Variants in ECPAS observed in about 807,000 individuals in gnomAD.
ECPAS encodes proteasome adapter and scaffold protein ECM29.
Under a neutral mutation model 255.1 loss-of-function variants are expected in ECPAS, and 70 were observed. That is an observed-to-expected ratio of 0.27 (90% CI 0.23 to 0.33). The LOEUF (loss-of-function observed/expected upper bound fraction) is 0.33. Ranked by LOEUF, ECPAS falls within the 10% of genes least tolerant of loss-of-function variation. ECPAS has a pLI of 1.00. For synonymous variants in ECPAS, 784 were observed against 775.0 expected, an observed-to-expected ratio of 1.01 and a Z score of -0.19; for missense variants, 1,817 against 2,206.4, an observed-to-expected ratio of 0.82 and a Z score of 3.54.
rs561535699 is a variant in ECPAS, at chr9:111,435,557, G to T, written c.708+1383C>A. 3.9e-5 allele frequency among the ~76,000 whole-genome samples: 6 copies of T among 152,210 alleles called. No individual in the cohort carries two copies. In the South Asian group the frequency reaches 1.0e-3, roughly 26 times the overall value. On this transcript the variant is annotated intron_variant, in intron 7 of 49. Transcript: ENST00000684092. ...AAACCTCCATGCCTTTCAGAAAATG[G>T]AACTAACAATTTCTATACCTTACTG...
chr9:111,468,099 G>A (rs1589234192), intron 2 of ECPAS, among the ~76,000 whole-genome samples: 2 of 152,174 alleles, frequency 1.3e-5, no homozygotes, highest in East Asian at 1.9e-4. Flanking sequence ...GCAGTGAGCC[G>A]AGATCACGCC....
intron 1 of ECPAS, among the ~76,000 whole-genome samples, chr9:111,476,054 A>T (rs2098295883): frequency 6.6e-6 from 1 of 152,226 alleles, no homozygotes; most frequent in South Asian, 2.1e-4. Context: ...CTCTCAGAAG[A>T]CACCTGACAT....
intron 1 of ECPAS, among the ~76,000 whole-genome samples, chr9:111,474,043 C>A (rs2098293057): frequency 6.6e-6 from 1 of 152,146 alleles, no homozygotes; most frequent in Admixed American, 6.5e-5. Flanking sequence ...CCGAGGCCTA[C>A]AAGTTAGGTC....
chr9:111,399,557 G>A (rs2098172548), intron 24 of ECPAS, among the ~76,000 whole-genome samples: 1 of 152,214 alleles, frequency 6.6e-6, no homozygotes, highest in Admixed American at 6.5e-5. Context: ...TGGGCCAGAG[G>A]GGAATCAGCT....
At chr9:111,390,245 C>T (rs559660081) in intron 29 of ECPAS, 144 bp from the exon 30 acceptor site, 124 of 525,046 alleles carry the variant, frequency 2.4e-4, no homozygotes, top group African/African-American at 2.1e-3. Flanking sequence ...GGAGACAGAA[C>T]ACAAGTTAGT....
chr9:111,378,879 CT>C (rs2098136866), intron 35 of ECPAS, 149 bp from the exon 36 acceptor site: 6 of 700,268 alleles, frequency 8.6e-6, no homozygotes, highest in Non-Finnish European at 1.3e-5. Flanking sequence ...CTTTTTTTAA[CT>C]TTTATTAAAG....
intron 5 of ECPAS, 26 bp from the exon 6 acceptor site, chr9:111,440,547 A>C (rs771563212): frequency 1.3e-6 from 2 of 1,515,026 alleles, no homozygotes; most frequent in Non-Finnish European, 1.8e-6. Context: ...CATTTATTGC[A>C]ACTACTTAAA....
chr9:111,378,490 G>A (rs777703044), intron 36 of ECPAS, 90 bp downstream of exon 36: 48 of 1,332,874 alleles, frequency 3.6e-5, no homozygotes, highest in African/African-American at 4.4e-5. Flanking sequence ...TCTGGTAACA[G>A]TAGTGACAGT....
At chr9:111,429,002 T>C (rs2098225872) in intron 9 of ECPAS, among the ~76,000 whole-genome samples, 1 of 152,260 alleles carries the variant, frequency 6.6e-6, no homozygotes, top group Admixed American at 6.5e-5. Context: ...AAAAATCTAC[T>C]AAGTACTGAT....
intron 2 of ECPAS, among the ~76,000 whole-genome samples, chr9:111,468,028 C>T (rs2098281614): frequency 6.6e-6 from 1 of 152,142 alleles, no homozygotes; most frequent in Non-Finnish European, 1.5e-5. Context: ...TGGCATGTGA[C>T]TGTAGTCCCA....
intron 2 of ECPAS, among the ~76,000 whole-genome samples, chr9:111,468,228 A>G (rs1200249987): frequency 6.6e-6 from 1 of 152,144 alleles, no homozygotes; most frequent in East Asian, 1.9e-4. Flanking sequence ...GGAACACAGT[A>G]CCTGCCTGTA....
At chr9:111,403,535 A>AT (rs2098179451) in intron 24 of ECPAS, among the ~76,000 whole-genome samples, 1 of 149,982 alleles carries the variant, frequency 6.7e-6, no homozygotes, top group Non-Finnish European at 1.5e-5. Flanking sequence ...CATAATGATA[A>AT]AGGGCTCAAT....
chr9:111,366,222 T>C lies in ECPAS; in HGVS notation c.5308+17A>G, dbSNP rs753393488. 1.4e-5 allele frequency: 21 copies of C among 1,499,460 alleles called. No individual in the cohort carries two copies. Among genetic ancestry groups the C allele is most frequent in the Non-Finnish European group, 1.8e-5 (20 of 1,098,614 alleles). The allele number at this position is 1,499,460 out of a possible 1,614,324, so 92.9% of individuals were successfully genotyped here. On this transcript the variant is annotated intron_variant, in intron 48 of 49. Coordinates refer to ENST00000684092, the MANE Select transcript of ECPAS (RefSeq NM_001364929.1). ...AAAATTAGGACTCCCTCATCAGTTT[T>C]AGTTTACTACACTCACCTAAAGAAT...
intron 24 of ECPAS, among the ~76,000 whole-genome samples, chr9:111,407,385 G>C (rs1373144263): frequency 1.5e-5 from 1 of 68,390 alleles, no homozygotes; most frequent in Non-Finnish European, 2.5e-5. Flanking sequence ...CTGGGAGACA[G>C]AGCAAAACTC....
chr9:111,412,163 A>AG lies in ECPAS; in HGVS notation c.2080-16_2080-15insC. On this transcript the variant is annotated splice_polypyrimidine_tract_variant and intron_variant, in intron 20 of 49. Coordinates refer to ENST00000684092, the MANE Select transcript of ECPAS (RefSeq NM_001364929.1). ...TTCATCAGACTCTGAGCAGTATAAAAAAAAAACAAATATATACATGACACA... is the reference window on the plus strand; with the variant it reads ...TTCATCAGACTCTGAGCAGTATAAAAGAAAAAACAAATATATACATGACACA... 6.4e-7 allele frequency: 1 copy of AG among 1,550,624 alleles called. No individual in the cohort carries two copies.
At chr9:111,367,373 A>T (rs947520742) in intron 46 of ECPAS, among the ~76,000 whole-genome samples, 1 of 152,240 alleles carries the variant, frequency 6.6e-6, no homozygotes, top group Admixed American at 6.5e-5. Flanking sequence ...GCCAATGTGT[A>T]ACAGTTAAGT....
At position 111,389,160 on chromosome 9, in the gene ECPAS, C is replaced by T. The variant is rs556084613; in HGVS notation, c.3447+396G>A. ...CATGATTAACAGCCAGATGAGAGGA[C>T]ACCAACAGAGAAAACAAAATGGCAA... On this transcript the variant is annotated intron_variant, in intron 31 of 49. Coordinates refer to ENST00000684092, the MANE Select transcript of ECPAS (RefSeq NM_001364929.1). 7.2e-5 allele frequency among the ~76,000 whole-genome samples: 11 copies of T among 152,332 alleles called. No homozygotes were observed. In the South Asian group the frequency reaches 2.3e-3, roughly 32 times the overall value.
In ECPAS at chr9:111,362,037, A is replaced by G. The variant is rs776161570; in HGVS notation, c.5513T>C (p.Leu1838Pro). Residue 1838 changes from leucine to proline, a missense_variant, in exon 50 of 50, where the codon CTG becomes CCG. Physicochemically the swap from Leu to Pro is moderately conservative, Grantham distance 98. Transcript: ENST00000684092. ...AALLKKTLENLE is the reference protein window; with the variant it reads ...AALLKKTLENPE ...GTTTCTTCCCCTTCTAATTTATTCC[A>G]GATTTTCAAGTGTTTTCTTCAGTAA... 1.2e-5 allele frequency: 20 copies of G among 1,612,114 alleles called. No homozygotes were observed. Among genetic ancestry groups the G allele is most frequent in the Non-Finnish European group, 1.6e-5 (19 of 1,179,064 alleles).
Position 111,412,110 on chromosome 9 carries a change from C to T in ECPAS, c.2118G>A (p.Leu706=), listed in dbSNP as rs768085072. ...CCACTACAGAATAAAACAACGCTGC[C>T]AGTTCGCGCATTTCTTCTTTACTGT... ...MNNSKEEMRE[L]AALFYSVVVS... Residue 706 remains leucine, a synonymous_variant, in exon 21 of 50, where the codon CTG becomes CTA. Coordinates refer to ENST00000684092, the MANE Select transcript of ECPAS (RefSeq NM_001364929.1). 8.2e-6 allele frequency: 13 copies of T among 1,591,448 alleles called. No homozygotes were observed. The highest frequency in any genetic ancestry group is 1.1e-5 in the Non-Finnish European group (13 of 1,173,840).
Sources: allele counts gnomAD v4.1 joint callset (sites outside exome capture counted in the v4.1 genomes callset), GRCh38; gene constraint gnomAD v4.1.1; transcripts MANE v1.5; gene names NCBI Gene and HGNC (gene_info 2026-07-23, HGNC 2026-07-21).